Variants in CFAP44 observed in about 807,000 individuals in gnomAD.
CFAP44 encodes the protein cilia and flagella associated protein 44.
CFAP44 carries 134 observed loss-of-function variants against 216.2 expected under a neutral mutation model. The observed-to-expected ratio is 0.62, with a 90% CI of 0.54 to 0.72. CFAP44 has a LOEUF of 0.72. Ranked by LOEUF, CFAP44 falls within the 30% of genes least tolerant of loss-of-function variation. The pLI is 0.00. For synonymous variants in CFAP44, 700 were observed against 727.6 expected, an observed-to-expected ratio of 0.96 and a Z score of 0.61; for missense variants, 2,035 against 2,182.1, an observed-to-expected ratio of 0.93 and a Z score of 1.34.
In CFAP44 at chr3:113,420,186, G is replaced by C. The variant is rs371101760; in HGVS notation, c.408-7C>G. The C allele has an allele frequency of 1.1e-4, 174 of 1,605,240 alleles. 1 individual carries two copies. The African/African-American group carries it at 2.1e-3, about 19-fold the overall frequency. ...GTCATAACCAAAAGAATGTCTGAGGGAAAGTTGCTAAGGAAAAGAAGTGAA... is the reference window on the plus strand; with the variant it reads ...GTCATAACCAAAAGAATGTCTGAGGCAAAGTTGCTAAGGAAAAGAAGTGAA... On this transcript the variant is annotated splice_polypyrimidine_tract_variant and splice_region_variant and intron_variant, in intron 4 of 34. Transcript: ENST00000393845.
At chr3:113,302,339 T>C (rs1949942901) in intron 32 of CFAP44, among the ~76,000 whole-genome samples, 1 of 151,600 alleles carries the variant, frequency 6.6e-6, no homozygotes, top group Non-Finnish European at 1.5e-5. Flanking sequence ...GGAATGGATT[T>C]CTTAAGCAAG....
intron 22 of CFAP44, among the ~76,000 whole-genome samples, chr3:113,355,699 C>A (rs931245854): frequency 2.6e-5 from 4 of 151,624 alleles, no homozygotes; most frequent in Non-Finnish European, 4.4e-5. Flanking sequence ...TGCAGCAAAC[C>A]AACATGGCAC....
intron 32 of CFAP44, among the ~76,000 whole-genome samples, chr3:113,299,983 A>G (rs1949918755): frequency 6.6e-6 from 1 of 152,224 alleles, no homozygotes; most frequent in South Asian, 2.1e-4. Flanking sequence ...GTAAGCCATG[A>G]TTGCGCTACT....
intron 27 of CFAP44, 127 bp from the exon 28 acceptor site, chr3:113,326,767 A>C: frequency 1.9e-6 from 1 of 519,250 alleles, no homozygotes; most frequent in Non-Finnish European, 3.1e-6. Flanking sequence ...AAAGAAGGTT[A>C]CATTTCTGAT....
chr3:113,330,758 G>C (rs1418308874), intron 25 of CFAP44, 90 bp from the exon 26 acceptor site: 20 of 1,406,224 alleles, frequency 1.4e-5, no homozygotes, highest in Admixed American at 3.0e-5. Flanking sequence ...TTGCTGAAAG[G>C]CCTAGAAAAA....
At chr3:113,387,149 T>C (rs116817864) in intron 15 of CFAP44, among the ~76,000 whole-genome samples, 3,952 of 152,304 alleles carry the variant, frequency 0.026, 92 homozygotes, top group Non-Finnish European at 0.039. Context: ...CCTGGTGCTG[T>C]ACTGGGCTCA....
intron 24 of CFAP44, among the ~76,000 whole-genome samples, chr3:113,340,919 A>T (rs1950327042): frequency 6.6e-6 from 1 of 152,142 alleles, no homozygotes; most frequent in Non-Finnish European, 1.5e-5. Flanking sequence ...ACCAGAAGGG[A>T]GATGGTTTTT....
chr3:113,296,840 C>T lies in CFAP44; in HGVS notation c.5123G>A (p.Arg1708His), dbSNP rs201886712. ...VRQLMISKFG[R>H]VVNLEALQTL... The stretch of plus-strand genomic sequence containing the variant: ...TTGAAGGGCTTCTAGATTTACCACA[C>T]GGCCAAACTTGCTGATCATGAGCTG... Residue 1708 changes from arginine to histidine, a missense_variant, in exon 33 of 35, where the codon CGT (arginine) becomes CAT (histidine). Arg to His is a conservative substitution (Grantham distance 29). Transcript: ENST00000393845. 6.2e-5 allele frequency: 96 copies of T among 1,537,260 alleles called. No individual in the cohort carries two copies. Among genetic ancestry groups the T allele is most frequent in the East Asian group, 9.8e-5 (4 of 40,934 alleles).
At position 113,373,432 on chromosome 3, in the gene CFAP44, G is replaced by A; in HGVS notation, c.2423C>T (p.Pro808Leu). Residue 808 changes from proline (P) to leucine (L), a missense_variant, in exon 18 of 35, where the codon CCC (proline) becomes CTC (leucine). By Grantham distance (98) the Pro-to-Leu change is moderately conservative (BLOSUM62 -3). Transcript: ENST00000393845. ...VRYLADTEDN[P>L]IQTITFNINK... Reference sequence around the variant, plus strand: ...TCACTTGAAAGTGATAGTTTGGATGGGATTGTCCTCTGTATCCGCAAGATA... The same window carrying A: ...TCACTTGAAAGTGATAGTTTGGATGAGATTGTCCTCTGTATCCGCAAGATA... 1 of 1,593,512 alleles carries A rather than the reference G, an allele frequency of 6.3e-7. No homozygotes were observed. The highest frequency in any genetic ancestry group is 1.7e-5 in the Admixed American group (1 of 57,548).
At chr3:113,378,181 C>T in intron 17 of CFAP44, among the ~76,000 whole-genome samples, 1 of 152,082 alleles carries the variant, frequency 6.6e-6, no homozygotes, top group Non-Finnish European at 1.5e-5. Context: ...ATTTCCAGGA[C>T]ACTGGAAATT....
At chr3:113,308,987 T>C (rs1220450159) in intron 28 of CFAP44, among the ~76,000 whole-genome samples, 1 of 152,210 alleles carries the variant, frequency 6.6e-6, no homozygotes, top group East Asian at 1.9e-4. Flanking sequence ...TATTCATGTT[T>C]TGCTGCAGAA....
In CFAP44 at chr3:113,306,277, T is replaced by C; in HGVS notation, c.4682A>G (p.Asp1561Gly). ...TTCTTCAACTAAAGCCTCCTCAATG[T>C]CCAGCCTTTTCTCTCGAAGGTGAAG... ...LALHLREKRL[D>G]IEEALVEEKK... The change falls in exon 30 of 35, where the codon GAC becomes GGC. Residue 1561 changes from aspartate to glycine, a missense_variant. Transcript: ENST00000393845. 2 of 1,537,046 alleles carry C rather than the reference T, an allele frequency of 1.3e-6. No individual in the cohort carries two copies. Among genetic ancestry groups the C allele is most frequent in the South Asian group, 1.2e-5 (1 of 84,024 alleles).
intron 3 of CFAP44, 128 bp downstream of exon 3, chr3:113,427,059 C>T (rs1934978911): frequency 9.6e-7 from 1 of 1,043,264 alleles, no homozygotes; most frequent in Non-Finnish European, 1.4e-6. Context: ...TGTACTTGTC[C>T]TTTTATCATT....
intron 24 of CFAP44, among the ~76,000 whole-genome samples, chr3:113,339,238 G>A (rs907588749): frequency 7.9e-5 from 12 of 152,148 alleles, no homozygotes; most frequent in African/African-American, 2.4e-4. Flanking sequence ...CAGATTCTGA[G>A]GGTCAAACAG....
intron 4 of CFAP44, among the ~76,000 whole-genome samples, chr3:113,423,650 C>T (rs1362317601): frequency 6.6e-6 from 1 of 152,128 alleles, no homozygotes; most frequent in African/African-American, 2.4e-5. Flanking sequence ...TGTTTAAACA[C>T]TGTTAAGTTC....
intron 15 of CFAP44, among the ~76,000 whole-genome samples, chr3:113,393,805 G>T (rs552031338): frequency 6.6e-6 from 1 of 152,016 alleles, no homozygotes; most frequent in Non-Finnish European, 1.5e-5. Flanking sequence ...GTGAGCCACC[G>T]CGCCTGATCT....
In CFAP44 at chr3:113,289,583, C is replaced by G. The variant is rs1442736026; in HGVS notation, c.*1974G>C. The G allele has an allele frequency of 6.6e-6, 1 of 152,282 alleles. No individual in the cohort carries two copies. The highest frequency in any genetic ancestry group is 2.4e-5 in the African/African-American group (1 of 41,468). 9.4% of individuals were successfully genotyped at this position (152,282 alleles called of 1,614,324 possible). ...CTTTCTCAGAGACCAGCCACTCTCT[C>G]CAGGCAGCTGCTTCTTGTGGCTGCC... On this transcript the variant is annotated 3_prime_UTR_variant, in exon 35 of 35. Transcript: ENST00000393845.
chr3:113,312,073 G>GT (rs199653080), intron 28 of CFAP44, among the ~76,000 whole-genome samples: 5,962 of 126,768 alleles, frequency 0.047, 509 homozygotes, highest in African/African-American at 0.15. Flanking sequence ...GTGTGTGTGT[G>GT]TTTTTTTTTT....
At chr3:113,385,095 G>A (rs1021500239) in intron 15 of CFAP44, among the ~76,000 whole-genome samples, 4 of 152,114 alleles carry the variant, frequency 2.6e-5, no homozygotes, top group Non-Finnish European at 5.9e-5. Flanking sequence ...ATAAAGAGGA[G>A]TTCCCCTTCA....
Sources: allele counts gnomAD v4.1 joint callset (sites outside exome capture counted in the v4.1 genomes callset), GRCh38; gene constraint gnomAD v4.1.1; transcripts MANE v1.5; gene names NCBI Gene and HGNC (gene_info 2026-07-23, HGNC 2026-07-21).